Variants in COL21A1 observed in about 807,000 individuals in gnomAD.
The protein encoded by COL21A1 is collagen alpha-1(XXI) chain.
In COL21A1, 149 loss-of-function variants were observed where a neutral mutation model predicts 137.9. The ratio of observed to expected loss-of-function variants is 1.08; its 90% CI spans 0.95 to 1.24. The LOEUF is 1.24. Among genes scored for constraint, COL21A1 ranks in the 50% most tolerant of loss-of-function variants. COL21A1 has a pLI of 0.00. For missense variants in COL21A1, 1,167 were observed against 1,158.4 expected (o/e 1.01, Z -0.11); for synonymous variants, 456 against 391.5 (o/e 1.16, Z -1.95).
At chr6:56,299,689 C>G (rs1349915421) in intron 1 of COL21A1, among the ~76,000 whole-genome samples, 1 of 151,966 alleles carries the variant, frequency 6.6e-6, no homozygotes, top group Non-Finnish European at 1.5e-5. Context: ...TCATCAATAT[C>G]TTATTTCTCA....
chr6:56,134,836 C>T (rs62413471), intron 12 of COL21A1, among the ~76,000 whole-genome samples: 22,836 of 152,116 alleles, frequency 0.15, 1,761 homozygotes, highest in Middle Eastern at 0.22. Flanking sequence ...TCCTCCTTGC[C>T]TTCCACCATG....
chr6:56,292,384 A>C lies in COL21A1; in HGVS notation c.-39+101587T>G, dbSNP rs931946044. ...TATATGGTGTAATTAATATCAACAA[A>C]ACAGGGACCCCCCCCCTCCCCCGCC... On this transcript the variant is annotated intron_variant, in intron 1 of 28. Transcript: ENST00000370819. Among the ~76,000 whole-genome samples, 4 of 123,120 alleles carry C rather than the reference A, an allele frequency of 3.2e-5. 1 individual carries two copies. Among genetic ancestry groups the C allele is most frequent in the African/African-American group, 1.0e-4 (4 of 38,592 alleles). 80.8% of individuals were successfully genotyped at this position (123,120 alleles called of 152,430 possible). A position where few individuals can be genotyped will look rare whatever the true frequency, so the allele number is the denominator to read the frequency against.
intron 1 of COL21A1, among the ~76,000 whole-genome samples, chr6:56,213,724 T>TA (rs1780323727): frequency 6.6e-6 from 1 of 152,002 alleles, no homozygotes; most frequent in African/African-American, 2.4e-5. Context: ...ACAGAGCCCT[T>TA]AACAGTGCTA....
chr6:56,288,917 C>T (rs1444285139), intron 1 of COL21A1, among the ~76,000 whole-genome samples: 1 of 152,126 alleles, frequency 6.6e-6, no homozygotes, highest in African/African-American at 2.4e-5. Flanking sequence ...ACAAGAATTC[C>T]CTATTGGGAT....
At chr6:56,161,403 GA>G (rs1776186816) in intron 9 of COL21A1, among the ~76,000 whole-genome samples, 1 of 152,136 alleles carries the variant, frequency 6.6e-6, no homozygotes, top group South Asian at 2.1e-4. Context: ...CATTTGAAAG[GA>G]AGTTATCTGC....
intron 1 of COL21A1, among the ~76,000 whole-genome samples, chr6:56,216,576 T>C (rs1447229988): frequency 6.6e-6 from 1 of 152,104 alleles, no homozygotes; most frequent in Non-Finnish European, 1.5e-5. Flanking sequence ...TCAAAAGAAA[T>C]TCTTGATAAG....
At chr6:56,109,473 A>T (rs1237496158) in intron 16 of COL21A1, among the ~76,000 whole-genome samples, 1 of 151,824 alleles carries the variant, frequency 6.6e-6, no homozygotes, top group African/African-American at 2.4e-5. Context: ...GTTCCCTAGG[A>T]GAGTGAAGCT....
intron 1 of COL21A1, among the ~76,000 whole-genome samples, chr6:56,235,388 T>TTC (rs1014282467): frequency 1.3e-5 from 2 of 151,908 alleles, no homozygotes; most frequent in African/African-American, 4.8e-5. Flanking sequence ...TTGGCTGATG[T>TTC]TCTGGCTTTT....
chr6:56,271,887 G>T (rs1763534997), intron 1 of COL21A1, among the ~76,000 whole-genome samples: 1 of 151,812 alleles, frequency 6.6e-6, no homozygotes, highest in Non-Finnish European at 1.5e-5. Flanking sequence ...TGGGACTGTG[G>T]GTGTACAAAA....
chr6:56,182,099 A>G (rs1198876600), intron 2 of COL21A1, among the ~76,000 whole-genome samples: 2 of 152,272 alleles, frequency 1.3e-5, no homozygotes, highest in South Asian at 2.1e-4. Flanking sequence ...TAACAGAACT[A>G]TAATTAATAT....
At chr6:56,138,551 G>A (rs1257550389) in intron 12 of COL21A1, among the ~76,000 whole-genome samples, 2 of 151,932 alleles carry the variant, frequency 1.3e-5, no homozygotes, top group Non-Finnish European at 2.9e-5. Context: ...GAAGCCAAGA[G>A]AAGAAATTGT....
At chr6:56,336,604 G>T (rs1765334166) in intron 1 of COL21A1, among the ~76,000 whole-genome samples, 1 of 152,052 alleles carries the variant, frequency 6.6e-6, no homozygotes, top group Admixed American at 6.6e-5. Flanking sequence ...TTTTCCTCAA[G>T]GATATGTAAC....
chr6:56,205,397 C>A (rs1428013549), intron 1 of COL21A1, among the ~76,000 whole-genome samples: 1 of 151,788 alleles, frequency 6.6e-6, no homozygotes, highest in African/African-American at 2.4e-5. Flanking sequence ...GACTGAAGGT[C>A]AACTTAATGA....
At chr6:56,219,503 T>C (rs1266825571) in intron 1 of COL21A1, among the ~76,000 whole-genome samples, 1 of 152,114 alleles carries the variant, frequency 6.6e-6, no homozygotes, top group Non-Finnish European at 1.5e-5. Flanking sequence ...ATTCGCCTTA[T>C]TCACCTGACC....
At chr6:56,286,633 T>C (rs968989049) in intron 1 of COL21A1, among the ~76,000 whole-genome samples, 2 of 152,228 alleles carry the variant, frequency 1.3e-5, no homozygotes, top group African/African-American at 4.8e-5. Flanking sequence ...GTTTACACGG[T>C]TTTGTGAATT....
chr6:56,301,858 C>CCAT (rs74644682), intron 1 of COL21A1, among the ~76,000 whole-genome samples: 1 of 151,342 alleles, frequency 6.6e-6, no homozygotes, highest in Non-Finnish European at 1.5e-5. Context: ...TATTTCTCCC[C>CCAT]CCCCCAATCC....
chr6:56,372,584 G>A (rs981408709), intron 1 of COL21A1, among the ~76,000 whole-genome samples: 10 of 152,186 alleles, frequency 6.6e-5, no homozygotes, highest in Non-Finnish European at 1.0e-4. Context: ...AGTGACAGAC[G>A]CTCAACTCAT....
intron 1 of COL21A1, among the ~76,000 whole-genome samples, chr6:56,228,800 A>T (rs1329376643): frequency 6.6e-6 from 1 of 151,758 alleles, no homozygotes; most frequent in Non-Finnish European, 1.5e-5. Flanking sequence ...CCTTGTATGG[A>T]ATAAAACAAA....
chr6:56,095,426 C>G (rs748025992), intron 17 of COL21A1, among the ~76,000 whole-genome samples: 4 of 152,166 alleles, frequency 2.6e-5, no homozygotes, highest in Non-Finnish European at 4.4e-5. Context: ...TCTGACCACT[C>G]TCACTTTAGT....
Sources: allele counts gnomAD v4.1 joint callset (sites outside exome capture counted in the v4.1 genomes callset), GRCh38; gene constraint gnomAD v4.1.1; transcripts MANE v1.5; gene names NCBI Gene and HGNC (gene_info 2026-07-23, HGNC 2026-07-21).